The following DENND11 variants were observed in gnomAD, a reference collection of about 807,000 sequenced individuals.
DENND11 encodes the protein DENN domain containing 11.
A neutral mutation model predicts 49.2 loss-of-function variants in DENND11; 34 were observed. That is an observed-to-expected ratio of 0.69 (90% CI 0.53 to 0.92). The LOEUF is 0.92. Among genes scored for constraint, DENND11 ranks in the 40% least tolerant of loss-of-function variants. The pLI, the probability that DENND11 is intolerant of heterozygous loss-of-function variation, is 0.00. For synonymous variants in DENND11, 238 were observed against 230.3 expected (o/e 1.03, Z -0.30); for missense variants, 475 against 581.6 (o/e 0.82, Z 1.88).
chr7:141,677,501 G>GTATA (rs1221114182), intron 3 of DENND11, among the ~76,000 whole-genome samples: 16 of 130,368 alleles, frequency 1.2e-4, no homozygotes, highest in African/African-American at 3.5e-4. Context: ...GTGTGTGTGT[G>GTATA]TGTATATATA....
At chr7:141,675,630 C>T (rs1255402055) in intron 3 of DENND11, among the ~76,000 whole-genome samples, 3 of 152,180 alleles carry the variant, frequency 2.0e-5, no homozygotes, top group East Asian at 1.9e-4. Context: ...CAAACTGCCA[C>T]GGTGGCTTAC....
Position 141,656,957 on chromosome 7 carries a change from G to A in DENND11, c.*5699C>T, listed in dbSNP as rs568672197. The A allele has an allele frequency of 3.9e-5, 6 of 152,804 alleles. No individual in the cohort carries two copies. Among genetic ancestry groups the A allele is most frequent in the South Asian group, 2.1e-4 (1 of 4,820 alleles). The allele number at this position is 152,804 out of a possible 1,614,324, so 9.5% of individuals were successfully genotyped here. On this transcript the variant is annotated 3_prime_UTR_variant, in exon 9 of 9. Coordinates refer to ENST00000536163, the MANE Select transcript of DENND11 (RefSeq NM_001080392.2). ...ACCACTGGAAACAGAGAGAGAGCAC[G>A]GCATACCTGGGCACACCAGTATTCA...
intron 3 of DENND11, among the ~76,000 whole-genome samples, chr7:141,683,395 CT>C (rs1798177492): frequency 6.6e-6 from 1 of 152,132 alleles, no homozygotes; most frequent in African/African-American, 2.4e-5. Context: ...AATCCCAGAA[CT>C]CTGGGAGGCC....
intron 3 of DENND11, among the ~76,000 whole-genome samples, chr7:141,675,650 T>C (rs908493182): frequency 2.0e-5 from 3 of 152,158 alleles, no homozygotes; most frequent in Non-Finnish European, 4.4e-5. Context: ...CCCCAAACTA[T>C]GACACAAACT....
chr7:141,664,734 G>A (rs1012471905), intron 7 of DENND11, among the ~76,000 whole-genome samples, 170 bp downstream of exon 7: 3 of 152,198 alleles, frequency 2.0e-5, no homozygotes, highest in African/African-American at 4.8e-5. Flanking sequence ...CAGGGAGCCT[G>A]GCCTCTTCTA....
Position 141,664,086 on chromosome 7 carries a change from G to T in DENND11, c.1172+86C>A, listed in dbSNP as rs577018472. On this transcript the variant is annotated intron_variant, in intron 8 of 8. Coordinates refer to ENST00000536163, the MANE Select transcript of DENND11 (RefSeq NM_001080392.2). ...CAGCAATAAACGGCATCCCTGGCCC[G>T]CAGTGAATGACATGGGAGGGATGCA... 6 of 1,140,628 alleles carry T rather than the reference G, an allele frequency of 5.3e-6. No homozygotes were observed. The Admixed American group carries it at 6.0e-5, about 11-fold the overall frequency. 70.7% of individuals were successfully genotyped at this position (1,140,628 alleles called of 1,614,324 possible). A position where few individuals can be genotyped will look rare whatever the true frequency, so the allele number is the denominator to read the frequency against.
rs1798526874 is a variant in DENND11 at position 141,701,896 on chromosome 7, G to A, written c.258C>T (p.Asp86=). The change falls in exon 1 of 9, where the codon GAC becomes GAT. Residue 86 remains aspartate (D), a synonymous_variant. Transcript: ENST00000536163. The part of the protein sequence containing the change: ...QVVAVFVVTF[D]PRSGNMVEWC... ...CGGCGCGGCCCTCACCCGAGCGGGG[G>A]TCGAAGGTGACCACGAACACGGCCA... 8.3e-7 allele frequency: 1 copy of A among 1,210,698 alleles called. No homozygotes were observed. The highest frequency in any genetic ancestry group is 1.6e-5 in the African/African-American group (1 of 63,060). 75.0% of individuals were successfully genotyped at this position (1,210,698 alleles called of 1,614,324 possible). A position where few individuals can be genotyped will look rare whatever the true frequency, so the allele number is the denominator to read the frequency against.
At chr7:141,663,257 T>C (rs2117050051) in intron 8 of DENND11, 1 of 169,424 alleles carries the variant, frequency 5.9e-6, no homozygotes, top group South Asian at 1.7e-4. Flanking sequence ...CCCTTGGGTG[T>C]TTGCTCTCCC....
At chr7:141,669,254 T>C (rs564891276) in intron 4 of DENND11, among the ~76,000 whole-genome samples, 1 of 151,624 alleles carries the variant, frequency 6.6e-6, no homozygotes, top group African/African-American at 2.4e-5. Context: ...GTTTTTTTTT[T>C]TTTTTTTTTG....
chr7:141,677,469 ATATT>A (rs557864480), intron 3 of DENND11, among the ~76,000 whole-genome samples: 265 of 142,488 alleles, frequency 1.9e-3, no homozygotes, highest in Non-Finnish European at 2.6e-3. Context: ...ATGTGTATAT[ATATT>A]TATATATATT....
chr7:141,664,113 G>T (rs1346612398), intron 8 of DENND11, 59 bp downstream of exon 8: 1 of 1,333,262 alleles, frequency 7.5e-7, no homozygotes, highest in Non-Finnish European at 1.1e-6. Flanking sequence ...AGGGATGCAG[G>T]TCACTCAGTG....
chr7:141,691,609 C>T, intron 1 of DENND11, among the ~76,000 whole-genome samples: 1 of 152,160 alleles, frequency 6.6e-6, no homozygotes, highest in East Asian at 1.9e-4. Context: ...TGGACATAAG[C>T]CCATCTGGGT....
Position 141,658,853 on chromosome 7 carries a change from C to T in DENND11, c.*3803G>A, listed in dbSNP as rs1797741201. On this transcript the variant is annotated 3_prime_UTR_variant, in exon 9 of 9. Transcript: ENST00000536163. ...TCCTTTACAAAAGCTTCCCTGAAGG[C>T]CTCAGTTTAAAGATGAGTGATTTCA... The T allele has an allele frequency of 6.6e-6, 1 of 152,502 alleles. No individual in the cohort carries two copies. Among genetic ancestry groups the T allele is most frequent in the African/African-American group, 2.4e-5 (1 of 41,410 alleles). The allele number at this position is 152,502 out of a possible 1,614,324, so 9.4% of individuals were successfully genotyped here.
intron 7 of DENND11, 146 bp from the exon 8 acceptor site, chr7:141,664,386 A>G: frequency 1.6e-6 from 1 of 624,940 alleles, no homozygotes; most frequent in Admixed American, 2.4e-5. Context: ...TGGACTCAAA[A>G]TCCCTGGGGT....
At chr7:141,662,917 A>G in intron 8 of DENND11, 66 bp from the exon 9 acceptor site, 2 of 1,228,838 alleles carry the variant, frequency 1.6e-6, no homozygotes, top group South Asian at 1.7e-5. Context: ...CAGATAATCC[A>G]CATATGGGGA....
rs1003510991 is a variant in DENND11 at position 141,659,330 on chromosome 7, G to A, written c.*3326C>T. On this transcript the variant is annotated 3_prime_UTR_variant, in exon 9 of 9. Transcript: ENST00000536163. ...ATGGTCTCTACCAGGCATAGGGAAT[G>A]GTTCGTGTTTAAAGGCCAAGCAAAT... 1 of 152,246 alleles carries A rather than the reference G, an allele frequency of 6.6e-6. No individual in the cohort carries two copies. The highest frequency in any genetic ancestry group is 6.5e-5 in the Admixed American group (1 of 15,288). The allele number at this position is 152,246 out of a possible 1,614,324, so 9.4% of individuals were successfully genotyped here.
At chr7:141,680,119 T>A (rs77387750) in intron 3 of DENND11, among the ~76,000 whole-genome samples, 103 of 152,326 alleles carry the variant, frequency 6.8e-4, no homozygotes, top group African/African-American at 2.5e-3. Context: ...CAATGCAGCA[T>A]CATTTGTAGC....
At chr7:141,696,747 A>G (rs1324377740) in intron 1 of DENND11, among the ~76,000 whole-genome samples, 1 of 152,232 alleles carries the variant, frequency 6.6e-6, no homozygotes, top group Non-Finnish European at 1.5e-5. Context: ...CATTCCCTTC[A>G]CATAACCACC....
chr7:141,685,562 C>T lies in DENND11; in HGVS notation c.443G>A (p.Gly148Asp). Residue 148 changes from glycine (G) to aspartate (D), a missense_variant, in exon 3 of 9, where the codon GGC (glycine) becomes GAC (aspartate). Physicochemically the swap from Gly to Asp is moderately conservative, Grantham distance 94. Transcript: ENST00000536163. ...GATGCCCACAGACTTCATCCGCGCG[C>T]CACGTTCCAGCTCGCTCTCCACGGG... ...NMPVESELER[G>D]ARMKSVGILS... is the part of the protein sequence containing the mutation. 1 of 1,614,012 alleles carries T rather than the reference C, an allele frequency of 6.2e-7. No homozygotes were observed. The highest frequency in any genetic ancestry group is 8.5e-7 in the Non-Finnish European group (1 of 1,179,900).
Sources: gnomAD v4.1 joint callset for allele counts (sites outside exome capture counted in the v4.1 genomes callset) on GRCh38, gnomAD v4.1.1 for gene constraint, MANE v1.5 for transcripts, NCBI Gene and HGNC (gene_info 2026-07-23, HGNC 2026-07-21) for gene names.